Variants in NUP214 observed in about 807,000 individuals in gnomAD.
NUP214 encodes nucleoporin 214.
Under a neutral mutation model 196.2 loss-of-function variants are expected in NUP214, and 79 were observed. The ratio of observed to expected loss-of-function variants is 0.40; its 90% CI spans 0.34 to 0.49. NUP214 has a LOEUF of 0.49. Among genes scored for constraint, NUP214 ranks in the 20% least tolerant of loss-of-function variants. The probability of loss-of-function intolerance (pLI) is 0.58; values close to 1 mark genes in which losing one functional copy is unlikely to be tolerated. For synonymous variants in NUP214, 1,020 were observed against 990.5 expected, an observed-to-expected ratio of 1.03 and a Z score of -0.56; for missense variants, 2,468 against 2,539.0, an observed-to-expected ratio of 0.97 and a Z score of 0.60.
chr9:131,128,358 C>G lies in NUP214; in HGVS notation c.268C>G (p.Pro90Ala), dbSNP rs375906479. ...IVDKVQGLLVPMKFPIHHLAL... is the reference protein window; with the variant it reads ...IVDKVQGLLVAMKFPIHHLAL... The stretch of plus-strand genomic sequence containing the variant: ...TGATAAAGTCCAAGGCTTGCTAGTT[C>G]CTATGAAATTCCCAATCCATCACCT... The change falls in exon 3 of 36, where the codon CCT becomes GCT. Residue 90 changes from proline (P) to alanine (A), a missense_variant. By Grantham distance (27) the Pro-to-Ala change is conservative. This residue lies in a region of NUP214 where 392 missense variants were observed against 417.9 expected (regional missense o/e 0.94). Coordinates refer to ENST00000359428, the MANE Select transcript of NUP214 (RefSeq NM_005085.4). The G allele has an allele frequency of 3.0e-5, 48 of 1,612,514 alleles. No homozygotes were observed. The highest frequency in any genetic ancestry group is 3.3e-5 in the South Asian group (3 of 90,836).
At chr9:131,228,066 A>G (rs1034394732) in intron 32 of NUP214, 94 bp from the exon 33 acceptor site, 44 of 1,250,896 alleles carry the variant, frequency 3.5e-5, no homozygotes, top group Non-Finnish European at 4.2e-5. Flanking sequence ...TTTTCTTCCT[A>G]TTTTGATTTG....
rs758629485 is a variant in NUP214 at position 131,215,194 on chromosome 9, G to C, written c.5593-18G>C. The C allele has an allele frequency of 4.0e-6, 6 of 1,503,064 alleles. No individual in the cohort carries two copies. The highest frequency in any genetic ancestry group is 5.3e-6 in the Non-Finnish European group (6 of 1,125,336). The allele number at this position is 1,503,064 out of a possible 1,614,324, so 93.1% of individuals were successfully genotyped here. A position where few individuals can be genotyped will look rare whatever the true frequency, so the allele number is the denominator to read the frequency against. Reference sequence around the variant, plus strand: ...GACCTCTCATCCTATCTTGCTTCCTGACCCTTTTGTTTTTTAGCAATCATC... The same window carrying C: ...GACCTCTCATCCTATCTTGCTTCCTCACCCTTTTGTTTTTTAGCAATCATC... On this transcript the variant is annotated intron_variant, in intron 30 of 35. Coordinates refer to ENST00000359428, the MANE Select transcript of NUP214 (RefSeq NM_005085.4).
chr9:131,125,952 G>T lies in NUP214; in HGVS notation c.45+203G>T. On this transcript the variant is annotated intron_variant, in intron 1 of 35. Coordinates refer to ENST00000359428, the MANE Select transcript of NUP214 (RefSeq NM_005085.4). The surrounding 1 kb of genome is among the most constrained non-coding windows in gnomAD (Gnocchi z 4.1). ...TTTCCCAGTCCCATCCTGGTCTCGT[G>T]CACGGCTGTTGAGTTACCCTAGCTA... is the stretch of plus-strand genomic sequence containing the variant. The T allele has an allele frequency of 1.6e-6, 1 of 636,258 alleles. No homozygotes were observed. 39.4% of individuals were successfully genotyped at this position (636,258 alleles called of 1,614,324 possible).
intron 21 of NUP214, among the ~76,000 whole-genome samples, chr9:131,171,361 T>C (rs374985981): frequency 6.6e-6 from 1 of 152,224 alleles, no homozygotes; most frequent in South Asian, 2.1e-4. Flanking sequence ...GAAGGTGATG[T>C]GATTATTTGA....
At chr9:131,209,173 GA>G (rs1399259202) in intron 30 of NUP214, among the ~76,000 whole-genome samples, 4 of 152,012 alleles carry the variant, frequency 2.6e-5, no homozygotes, top group Non-Finnish European at 5.9e-5. Context: ...AGGAGTTTGA[GA>G]CTAGCCTGGG....
chr9:131,178,969 TTTGTTGTTG>T (rs747733056), intron 24 of NUP214, among the ~76,000 whole-genome samples: 1 of 151,512 alleles, frequency 6.6e-6, no homozygotes, highest in Non-Finnish European at 1.5e-5. Flanking sequence ...TGGTGGTGGT[TTTGTTGTTG>T]TTGTTGTTGT....
At chr9:131,206,162 T>TTTTTTTTTTTTTTTTTTAAAGG in intron 30 of NUP214, among the ~76,000 whole-genome samples, 1 of 126,406 alleles carries the variant, frequency 7.9e-6, no homozygotes, top group African/African-American at 2.8e-5. Context: ...TTTTTTTTTT[T>TTTTTTTTTTTTTTTTTTAAAGG]GAGACAGGGT....
At chr9:131,163,407 C>T (rs186787355) in intron 19 of NUP214, 1 of 504,792 alleles carries the variant, frequency 2.0e-6, no homozygotes, top group African/African-American at 1.9e-5. Context: ...AAATATTACA[C>T]TGATGAAATG....
intron 24 of NUP214, among the ~76,000 whole-genome samples, chr9:131,180,949 A>C (rs191242820): frequency 1.3e-5 from 2 of 152,334 alleles, no homozygotes; most frequent in African/African-American, 4.8e-5. Flanking sequence ...GACCAAAAAA[A>C]CTAACAGACT....
chr9:131,207,228 A>G (rs1328758285), intron 30 of NUP214, among the ~76,000 whole-genome samples: 5 of 152,240 alleles, frequency 3.3e-5, no homozygotes, highest in Admixed American at 3.3e-4. Context: ...AATTGCCTCA[A>G]AACCTAGTAG....
rs776277309 is a variant in NUP214 at position 131,198,796 on chromosome 9, A to G, written c.5302A>G (p.Ser1768Gly). ...TGCTTCCTCCACTCCCACATCCACC[A>G]GTGGAAGTGTCTTTGGTGCCGCCTC... ...QPASSTPTST[S>G]GSVFGAASST... The change falls in exon 29 of 36, where the codon AGT becomes GGT. Residue 1768 changes from serine (S) to glycine (G), a missense_variant. Physicochemically the swap from Ser to Gly is moderately conservative, Grantham distance 56. Coordinates refer to ENST00000359428, the MANE Select transcript of NUP214 (RefSeq NM_005085.4). The G allele has an allele frequency of 4.3e-6, 7 of 1,614,040 alleles. No homozygotes were observed. The highest frequency in any genetic ancestry group is 5.9e-6 in the Non-Finnish European group (7 of 1,180,042).
chr9:131,149,855 A>G (rs1832203314), intron 14 of NUP214: 1 of 154,358 alleles, frequency 6.5e-6, no homozygotes, highest in Admixed American at 6.4e-5. Flanking sequence ...TTCTTTGCTA[A>G]GGTTTCTCCT....
In NUP214 at chr9:131,206,148, C is replaced by T. The variant is rs11244321; in HGVS notation, c.5592+4431C>T. On this transcript the variant is annotated intron_variant, in intron 30 of 35. Transcript: ENST00000359428. ...TCCACATAGAATTTTTTTCTTTTTT[C>T]TTTTTTTTTTTTTTGAGACAGGGTT... 6.6e-3 allele frequency among the ~76,000 whole-genome samples: 502 copies of T among 76,258 alleles called. 4 individuals carry two copies. The highest frequency in any genetic ancestry group is 0.013 in the African/African-American group (245 of 18,800). The allele number at this position is 76,258 out of a possible 152,430, so 50.0% of individuals were successfully genotyped here. A position where few individuals can be genotyped will look rare whatever the true frequency, so the allele number is the denominator to read the frequency against.
At chr9:131,181,813 A>G (rs1833288393) in intron 24 of NUP214, among the ~76,000 whole-genome samples, 1 of 152,158 alleles carries the variant, frequency 6.6e-6, no homozygotes, top group African/African-American at 2.4e-5. Context: ...TGACACGAAA[A>G]TTTAGTCCAG....
intron 23 of NUP214, 137 bp from the exon 24 acceptor site, chr9:131,178,174 C>G (rs1473609325): frequency 3.1e-6 from 2 of 654,522 alleles, no homozygotes; most frequent in East Asian, 5.4e-5. Flanking sequence ...GCAAGAACTA[C>G]CTAGAGTAGA....
In NUP214 at chr9:131,198,153, T is replaced by C. The variant is rs1588161754; in HGVS notation, c.4659T>C (p.Thr1553=). The stretch of plus-strand genomic sequence containing the variant: ...AGCCTGCAGTCAGCAACTCTGGCAC[T>C]GCAGCATCTAGTACTAGTCTTGTAG... ...LAQPAVSNSG[T]AASSTSLVAL... The change falls in exon 29 of 36, where the codon ACT becomes ACC. Residue 1553 remains threonine (T), a synonymous_variant. Coordinates refer to ENST00000359428, the MANE Select transcript of NUP214 (RefSeq NM_005085.4). 1 of 1,614,214 alleles carries C rather than the reference T, an allele frequency of 6.2e-7. No homozygotes were observed. The highest frequency in any genetic ancestry group is 8.5e-7 in the Non-Finnish European group (1 of 1,180,026).
intron 7 of NUP214, 64 bp downstream of exon 7, chr9:131,133,273 CTT>C: frequency 1.1e-6 from 1 of 891,496 alleles, no homozygotes; most frequent in Non-Finnish European, 1.6e-6. Flanking sequence ...AAGCTGGAGG[CTT>C]TGATTTCAAG....
intron 32 of NUP214, among the ~76,000 whole-genome samples, chr9:131,227,919 A>G (rs1230876585): frequency 8.6e-6 from 1 of 116,276 alleles, no homozygotes; most frequent in Non-Finnish European, 1.6e-5. Context: ...CTAGGAATGG[A>G]GGGGAGTGGT....
chr9:131,222,667 G>A (rs1427879631), intron 31 of NUP214, 111 bp from the exon 32 acceptor site: 2 of 1,307,814 alleles, frequency 1.5e-6, no homozygotes, highest in Non-Finnish European at 2.1e-6. Context: ...CTTCTAGGCG[G>A]CTTGTCACTC....
Sources: allele counts gnomAD v4.1 joint callset (sites outside exome capture counted in the v4.1 genomes callset), GRCh38; gene constraint gnomAD v4.1.1; regional missense constraint gnomAD v4.1.1; non-coding constraint Gnocchi (gnomAD v3.1); transcripts MANE v1.5; gene names NCBI Gene and HGNC (gene_info 2026-07-23, HGNC 2026-07-21).